INO80: variants seen among roughly 807,000 people sequenced by gnomAD.
INO80 encodes the protein INO80 complex ATPase subunit, also known as chromatin-remodeling ATPase INO80.
INO80 carries 20 observed loss-of-function variants against 203.4 expected under a neutral mutation model. That is an observed-to-expected ratio of 0.10 (90% CI 0.07 to 0.14). The LOEUF (loss-of-function observed/expected upper bound fraction) is 0.14, where lower values mean the gene tolerates loss of function less well. Ranked by LOEUF, INO80 falls within the 10% of genes least tolerant of loss-of-function variation. The probability of loss-of-function intolerance (pLI) is 1.00; values close to 1 mark genes in which losing one functional copy is unlikely to be tolerated. For missense variants in INO80, 1,419 were observed against 1,914.4 expected (o/e 0.74, Z 4.83); for synonymous variants, 726 against 685.2 (o/e 1.06, Z -0.93).
intron 28 of INO80, among the ~76,000 whole-genome samples, chr15:41,001,203 G>C (rs2140432646): frequency 6.6e-6 from 1 of 152,292 alleles, no homozygotes; most frequent in South Asian, 2.1e-4. Context: ...ATGGTGGTCT[G>C]GGTGCCCTCT....
At chr15:41,035,847 A>C (rs886082518) in intron 24 of INO80, among the ~76,000 whole-genome samples, 4 of 139,276 alleles carry the variant, frequency 2.9e-5, no homozygotes, top group African/African-American at 1.0e-4. Context: ...AAAAAAAAAA[A>C]GTCTGGCGCC....
rs1247727698 is a variant in INO80, at chr15:40,987,101, C to G, written c.3822G>C (p.Leu1274Phe). 6.2e-7 allele frequency: 1 copy of G among 1,600,694 alleles called. No homozygotes were observed. Residue 1274 changes from leucine (L) to phenylalanine (F), a missense_variant, in exon 31 of 36, where the codon TTG becomes TTC. Transcript: ENST00000648947. Reference sequence around the variant, plus strand: ...GTTTAGAGTACATACGTTTCTTCTCCAACTCTTCGTCGTCTAGAAGAAGAC... The same window carrying G: ...GTTTAGAGTACATACGTTTCTTCTCGAACTCTTCGTCGTCTAGAAGAAGAC... ...VVSLLLDDEE[L>F]EKKLRLRQEE...
At chr15:41,087,760 C>A in intron 5 of INO80, 78 bp from the exon 6 acceptor site, 1 of 1,442,504 alleles carries the variant, frequency 6.9e-7, no homozygotes, top group Non-Finnish European at 9.3e-7. Context: ...GAAAACTAAG[C>A]CAGAGGAAAT....
intron 29 of INO80, among the ~76,000 whole-genome samples, 160 bp from the exon 30 acceptor site, chr15:40,988,134 C>CGGA (rs1229380114): frequency 6.6e-6 from 1 of 152,120 alleles, no homozygotes; most frequent in Non-Finnish European, 1.5e-5. Context: ...GATACAAAGC[C>CGGA]GTTCCTTCAC....
chr15:41,038,604 CT>C (rs2044618471), intron 24 of INO80, among the ~76,000 whole-genome samples: 1 of 152,158 alleles, frequency 6.6e-6, no homozygotes, highest in Admixed American at 6.5e-5. Context: ...TGAACTCTGG[CT>C]TTTTGAAGTA....
intron 18 of INO80, 118 bp downstream of exon 18, chr15:41,055,129 C>T (rs1032965013): frequency 4.7e-5 from 25 of 535,026 alleles, no homozygotes; most frequent in Non-Finnish European, 8.2e-5. Flanking sequence ...TGGTTTTCTT[C>T]CCCGCTGATT....
intron 29 of INO80, among the ~76,000 whole-genome samples, chr15:40,993,266 T>G (rs2043838594): frequency 6.6e-6 from 1 of 151,580 alleles, no homozygotes; most frequent in South Asian, 2.1e-4. Context: ...TCTCTTTAAA[T>G]CTGCTTAGTT....
chr15:41,061,450 CAAAAAAAAAAA>C (rs980593225), intron 14 of INO80, among the ~76,000 whole-genome samples: 1 of 66,916 alleles, frequency 1.5e-5, no homozygotes, highest in Non-Finnish European at 3.0e-5. Context: ...ACCAAAAATA[CAAAAAAAAAAA>C]AAAAAAAAAA....
chr15:41,055,729 A>G (rs2044970720), intron 17 of INO80, among the ~76,000 whole-genome samples: 1 of 152,230 alleles, frequency 6.6e-6, no homozygotes, highest in Non-Finnish European at 1.5e-5. Context: ...ATCCTAGATT[A>G]GGGGTTAGAA....
At chr15:41,070,075 T>C (rs1027122056) in intron 13 of INO80, among the ~76,000 whole-genome samples, 4 of 152,222 alleles carry the variant, frequency 2.6e-5, no homozygotes, top group Admixed American at 2.6e-4. Context: ...AACGTCTCCA[T>C]AGAAGAGGAA....
chr15:41,085,682 C>T, intron 6 of INO80, 99 bp from the exon 7 acceptor site: 1 of 814,530 alleles, frequency 1.2e-6, no homozygotes, highest in East Asian at 2.6e-5. Flanking sequence ...CTTATTCCAC[C>T]TGACACTGAC....
Position 40,979,323 on chromosome 15 carries a change from A to G in INO80, c.*900T>C, listed in dbSNP as rs556123253. ...GGCCGGGCTGGGAGGGCCGGTGCCGAGCCTGCCCCCTCTCTCCGCCCTCTT... is the reference window on the plus strand; with the variant it reads ...GGCCGGGCTGGGAGGGCCGGTGCCGGGCCTGCCCCCTCTCTCCGCCCTCTT... On this transcript the variant is annotated 3_prime_UTR_variant, in exon 36 of 36. Coordinates refer to ENST00000648947, the MANE Select transcript of INO80 (RefSeq NM_017553.3). 1.3e-5 allele frequency: 2 copies of G among 152,950 alleles called. No individual in the cohort carries two copies. The highest frequency in any genetic ancestry group is 4.1e-4 in the South Asian group (2 of 4,830). 9.5% of individuals were successfully genotyped at this position (152,950 alleles called of 1,614,324 possible).
intron 19 of INO80, among the ~76,000 whole-genome samples, chr15:41,051,997 G>T (rs2044883098): frequency 1.3e-5 from 2 of 152,036 alleles, no homozygotes; most frequent in Admixed American, 1.3e-4. Flanking sequence ...AAATTAGCCA[G>T]GCATGGTGGT....
In INO80 at chr15:40,979,944, C is replaced by T. The variant is rs749700981; in HGVS notation, c.*279G>A. 7.3e-5 allele frequency: 34 copies of T among 467,734 alleles called. No homozygotes were observed. The highest frequency in any genetic ancestry group is 9.8e-5 in the Non-Finnish European group (25 of 255,122). 29.0% of individuals were successfully genotyped at this position (467,734 alleles called of 1,614,324 possible). A position where few individuals can be genotyped will look rare whatever the true frequency, so the allele number is the denominator to read the frequency against. On this transcript the variant is annotated 3_prime_UTR_variant, in exon 36 of 36. Coordinates refer to ENST00000648947, the MANE Select transcript of INO80 (RefSeq NM_017553.3). ...TAAAGGGGGTCTGTGTCAGGCTTGC[C>T]CCGTGAGAGGTTTAAGACTTGGCTA...
At chr15:41,035,564 G>GT (rs2140498561) in intron 24 of INO80, among the ~76,000 whole-genome samples, 1 of 151,730 alleles carries the variant, frequency 6.6e-6, no homozygotes, top group East Asian at 1.9e-4. Flanking sequence ...GCTCACGCCT[G>GT]TAATCCCAGC....
chr15:41,058,204 T>C (rs754766326), intron 16 of INO80, among the ~76,000 whole-genome samples: 2 of 152,214 alleles, frequency 1.3e-5, no homozygotes, highest in Admixed American at 1.3e-4. Context: ...CCTGAAGAGA[T>C]GACCTGTAAA....
intron 27 of INO80, among the ~76,000 whole-genome samples, chr15:41,008,790 G>T (rs747264850): frequency 1.3e-5 from 2 of 152,156 alleles, no homozygotes; most frequent in Non-Finnish European, 2.9e-5. Context: ...TAGAAATGCA[G>T]AACTGAGGGA....
intron 35 of INO80, among the ~76,000 whole-genome samples, chr15:40,982,279 T>A (rs1304679702): frequency 6.6e-6 from 1 of 152,218 alleles, no homozygotes; most frequent in African/African-American, 2.4e-5. Flanking sequence ...CCCAAGTAGC[T>A]GGGACTACAG....
At chr15:41,095,325 G>A (rs1444330733) in intron 4 of INO80, among the ~76,000 whole-genome samples, 4 of 152,184 alleles carry the variant, frequency 2.6e-5, no homozygotes, top group African/African-American at 9.7e-5. Flanking sequence ...TGGGCAACAA[G>A]AGCAAAATGT....
Sources: gnomAD v4.1 joint callset for allele counts (sites outside exome capture counted in the v4.1 genomes callset) on GRCh38, gnomAD v4.1.1 for gene constraint, MANE v1.5 for transcripts, NCBI Gene and HGNC (gene_info 2026-07-23, HGNC 2026-07-21) for gene names.